Variants in ZNF431 observed in about 807,000 individuals in gnomAD.
The protein encoded by ZNF431 is zinc finger protein 431.
ZNF431 carries 34 observed loss-of-function variants against 57.0 expected under a neutral mutation model. That is an observed-to-expected ratio of 0.60 (90% CI 0.45 to 0.79). The LOEUF is 0.79. ZNF431 is among the 30% of genes least tolerant of loss of function. The probability of loss-of-function intolerance (pLI) is 0.00; values close to 1 mark genes in which losing one functional copy is unlikely to be tolerated. For missense variants in ZNF431, 607 were observed against 667.1 expected (o/e 0.91, Z 0.99); for synonymous variants, 207 against 220.3 (o/e 0.94, Z 0.54).
At chr19:21,156,185 C>T (rs116285157) in intron 2 of ZNF431, among the ~76,000 whole-genome samples, 176 of 152,334 alleles carry the variant, frequency 1.2e-3, no homozygotes, top group African/African-American at 3.6e-3. Context: ...CACATGCAGA[C>T]GCTGAATCTG....
Position 21,183,050 on chromosome 19 carries a change from A to G in ZNF431, c.747A>G (p.Arg249=), listed in dbSNP as rs748897785. The change falls in exon 5 of 5, where the codon AGA becomes AGG. Residue 249 remains arginine (R), a synonymous_variant. Transcript: ENST00000311048. ...TTAAATGGTTCTCAACCCTTACTAG[A>G]CACAAGAGAATTCATACTGGAGAGA... The part of the protein sequence containing the change: ...KAFKWFSTLT[R]HKRIHTGEKP... 1 of 1,614,122 alleles carries G rather than the reference A, an allele frequency of 6.2e-7. No homozygotes were observed. Among genetic ancestry groups the G allele is most frequent in the Non-Finnish European group, 8.5e-7 (1 of 1,179,970 alleles).
In ZNF431 at chr19:21,171,270, A is replaced by G. The variant is rs942749142; in HGVS notation, c.319+3604A>G. On this transcript the variant is annotated intron_variant, in intron 4 of 4. Coordinates refer to ENST00000311048, the MANE Select transcript of ZNF431 (RefSeq NM_133473.4). ...CAAAATACCTGCCTTCCCTGAGTAC[A>G]CAGTCAACTATTGTAGTTATCTAGA... Among the ~76,000 whole-genome samples the G allele has an allele frequency of 5.3e-5, 8 of 152,292 alleles. No homozygotes were observed. The East Asian group carries it at 1.3e-3, about 26-fold the overall frequency.
chr19:21,171,297 A>G (rs1054960903), intron 4 of ZNF431, among the ~76,000 whole-genome samples: 2 of 149,282 alleles, frequency 1.3e-5, no homozygotes, highest in South Asian at 4.2e-4. Context: ...TTATCTAGAC[A>G]ATTCTTTTTT....
intron 3 of ZNF431, among the ~76,000 whole-genome samples, chr19:21,167,245 C>T (rs1206407576): frequency 6.6e-6 from 1 of 151,906 alleles, no homozygotes; most frequent in African/African-American, 2.4e-5. Flanking sequence ...ACTGCCACCT[C>T]CGCCTCCCGG....
Position 21,142,146 on chromosome 19 carries a change from C to G in ZNF431, c.-38C>G, listed in dbSNP as rs763799369. The G allele has an allele frequency of 1.2e-6, 2 of 1,611,910 alleles. No individual in the cohort carries two copies. The highest frequency in any genetic ancestry group is 4.5e-5 in the East Asian group (2 of 44,836). On this transcript the variant is annotated 5_prime_UTR_variant, in exon 1 of 5. Transcript: ENST00000311048. Reference sequence around the variant, plus strand: ...CTGTGACCTGCAGGTATTGGGAGACCCACAGCTAAGACACCGGGACCCCCT... The same window carrying G: ...CTGTGACCTGCAGGTATTGGGAGACGCACAGCTAAGACACCGGGACCCCCT...
chr19:21,174,123 G>GT (rs1970984485), intron 4 of ZNF431, among the ~76,000 whole-genome samples: 2 of 151,848 alleles, frequency 1.3e-5, no homozygotes, highest in African/African-American at 4.8e-5. Context: ...CACCATGATT[G>GT]TAAGTTTCCT....
rs1971557534 is a variant in ZNF431, at chr19:21,193,977, AAAC to A, written c.*9946_*9948del. ...CATTAGAAAAAAAATAAGACTATCT[AAAC>A]AATTCTATTTAACATAGTTCTGGAA... On this transcript the variant is annotated 3_prime_UTR_variant, in exon 5 of 5. Coordinates refer to ENST00000311048, the MANE Select transcript of ZNF431 (RefSeq NM_133473.4). 1 of 152,188 alleles carries A rather than the reference AAAC, an allele frequency of 6.6e-6. No homozygotes were observed. The highest frequency in any genetic ancestry group is 2.4e-5 in the African/African-American group (1 of 41,452). The allele number at this position is 152,188 out of a possible 1,614,324, so 9.4% of individuals were successfully genotyped here. A position where few individuals can be genotyped will look rare whatever the true frequency, so the allele number is the denominator to read the frequency against.
intron 4 of ZNF431, among the ~76,000 whole-genome samples, chr19:21,170,678 TTTTC>T (rs1311572993): frequency 6.6e-6 from 1 of 151,950 alleles, no homozygotes; most frequent in Non-Finnish European, 1.5e-5. Context: ...TTTTCTTTTC[TTTTC>T]TTTCTTTATG....
chr19:21,167,596 A>G lies in ZNF431; in HGVS notation c.249A>G (p.Pro83=), dbSNP rs1381882519. ...FLGVAVSKQD[P]VTCLEQEKEP... is the part of the protein sequence containing the mutation. ...GTGTTGCTGTCTCTAAGCAAGACCC[A>G]GTCACCTGTCTGGAGCAAGAAAAAG... The change falls in exon 4 of 5, where the codon CCA becomes CCG. Residue 83 remains proline, a synonymous_variant. Coordinates refer to ENST00000311048, the MANE Select transcript of ZNF431 (RefSeq NM_133473.4). 9 of 1,583,938 alleles carry G rather than the reference A, an allele frequency of 5.7e-6. No homozygotes were observed. Among genetic ancestry groups the G allele is most frequent in the Non-Finnish European group, 6.9e-6 (8 of 1,165,604 alleles).
At position 21,192,845 on chromosome 19, in the gene ZNF431, CTT is replaced by C. The variant is rs1971534216; in HGVS notation, c.*8813_*8814del. Reference sequence around the variant, plus strand: ...TTCTATTGTGCATCCATTTTTTTCTCTTTGCACTCTGCATATATTTAAGTTTT... The same window carrying C: ...TTCTATTGTGCATCCATTTTTTTCTCTGCACTCTGCATATATTTAAGTTTT... On this transcript the variant is annotated 3_prime_UTR_variant, in exon 5 of 5. Coordinates refer to ENST00000311048, the MANE Select transcript of ZNF431 (RefSeq NM_133473.4). 1 of 152,064 alleles carries C rather than the reference CTT, an allele frequency of 6.6e-6. No homozygotes were observed. The highest frequency in any genetic ancestry group is 6.6e-5 in the Admixed American group (1 of 15,264). 9.4% of individuals were successfully genotyped at this position (152,064 alleles called of 1,614,324 possible). A position where few individuals can be genotyped will look rare whatever the true frequency, so the allele number is the denominator to read the frequency against.
At chr19:21,151,232 T>G (rs952683096) in intron 2 of ZNF431, 3 of 152,136 alleles carry the variant, frequency 2.0e-5, no homozygotes, top group Non-Finnish European at 4.4e-5. Context: ...ATTTTTTGTA[T>G]TTTTAGTACA....
In ZNF431 at chr19:21,193,257, G is replaced by A. The variant is rs1294238076; in HGVS notation, c.*9223G>A. The A allele has an allele frequency of 6.6e-6, 1 of 152,122 alleles. No homozygotes were observed. The highest frequency in any genetic ancestry group is 1.5e-5 in the Non-Finnish European group (1 of 68,026). The allele number at this position is 152,122 out of a possible 1,614,324, so 9.4% of individuals were successfully genotyped here. On this transcript the variant is annotated 3_prime_UTR_variant, in exon 5 of 5. Transcript: ENST00000311048. ...ATATAAAATCTGTATCGCTGCACGA[G>A]GTGGCTCACGCCTGTAATCCCAGCA...
chr19:21,174,600 A>G (rs575051415), intron 4 of ZNF431, among the ~76,000 whole-genome samples: 28 of 152,224 alleles, frequency 1.8e-4, no homozygotes, highest in Admixed American at 1.5e-3. Flanking sequence ...TGTGGTTACT[A>G]TTTGCATGGA....
At chr19:21,143,668 G>GTC (rs1970004007) in intron 2 of ZNF431, 25 bp downstream of exon 2, 1 of 1,564,912 alleles carries the variant, frequency 6.4e-7, no homozygotes, top group South Asian at 1.1e-5. Flanking sequence ...CATTAAAATT[G>GTC]TCTACGCCCA....
rs1481852713 is a variant in ZNF431 at position 21,191,145 on chromosome 19, G to A, written c.*7111G>A. 1.3e-5 allele frequency: 2 copies of A among 151,800 alleles called. No individual in the cohort carries two copies. Among genetic ancestry groups the A allele is most frequent in the African/African-American group, 2.4e-5 (1 of 41,332 alleles). The allele number at this position is 151,800 out of a possible 1,614,324, so 9.4% of individuals were successfully genotyped here. ...ACTTATTTTTCCTTTTGTGTCCTGGGATGTTTAGGTTAAATCAAAAAACTT... is the reference window on the plus strand; with the variant it reads ...ACTTATTTTTCCTTTTGTGTCCTGGAATGTTTAGGTTAAATCAAAAAACTT... On this transcript the variant is annotated 3_prime_UTR_variant, in exon 5 of 5. Coordinates refer to ENST00000311048, the MANE Select transcript of ZNF431 (RefSeq NM_133473.4).
intron 2 of ZNF431, among the ~76,000 whole-genome samples, chr19:21,152,705 T>TC (rs1342587389): frequency 6.6e-6 from 1 of 152,072 alleles, no homozygotes; most frequent in Non-Finnish European, 1.5e-5. Context: ...AGACTCTAAT[T>TC]CTCCTAAGTT....
Position 21,142,109 on chromosome 19 carries a change from A to G in ZNF431, c.-75A>G, listed in dbSNP as rs1969955177. 2.5e-6 allele frequency: 4 copies of G among 1,591,702 alleles called. No homozygotes were observed. Among genetic ancestry groups the G allele is most frequent in the Non-Finnish European group, 3.4e-6 (4 of 1,161,312 alleles). On this transcript the variant is annotated 5_prime_UTR_variant, in exon 1 of 5. Transcript: ENST00000311048. The stretch of plus-strand genomic sequence containing the variant: ...TGTGTCCTCTGCTCCTAGAGGCCCA[A>G]CATCTGTGGCCCTGTGACCTGCAGG...
chr19:21,166,214 GTTATTC>G, intron 2 of ZNF431, 115 bp from the exon 3 acceptor site: 1 of 1,400,712 alleles, frequency 7.1e-7, no homozygotes, highest in Non-Finnish European at 9.5e-7. Context: ...GATAATTTCA[GTTATTC>G]TTATAAGTCA....
chr19:21,181,980 A>G (rs1050576244), intron 4 of ZNF431, among the ~76,000 whole-genome samples: 1 of 152,188 alleles, frequency 6.6e-6, no homozygotes, highest in Non-Finnish European at 1.5e-5. Flanking sequence ...ACTCTCAAAC[A>G]TGTTCTTTGA....
Sources: gnomAD v4.1 joint callset for allele counts (sites outside exome capture counted in the v4.1 genomes callset) on GRCh38, gnomAD v4.1.1 for gene constraint, MANE v1.5 for transcripts, NCBI Gene and HGNC (gene_info 2026-07-23, HGNC 2026-07-21) for gene names.